Variants in TEX2 observed in about 807,000 individuals in gnomAD.
The protein encoded by TEX2 is testis expressed 2.
In TEX2, 53 loss-of-function variants were observed where a neutral mutation model predicts 106.9. That is an observed-to-expected ratio of 0.50 (90% CI 0.40 to 0.62). The LOEUF (loss-of-function observed/expected upper bound fraction) is 0.62. Ranked by LOEUF, TEX2 falls within the 20% of genes least tolerant of loss-of-function variation. The pLI is 0.00. For missense variants in TEX2, 1,207 were observed against 1,379.0 expected (o/e 0.88, Z 1.98); for synonymous variants, 523 against 534.8 (o/e 0.98, Z 0.30).
intron 4 of TEX2, among the ~76,000 whole-genome samples, chr17:64,192,377 T>C (rs1156580563): frequency 6.6e-6 from 1 of 152,212 alleles, no homozygotes; most frequent in African/African-American, 2.4e-5. Flanking sequence ...CAATGCCATG[T>C]GATGATAGGC....
chr17:64,256,868 A>G (rs1349973345), intron 1 of TEX2, among the ~76,000 whole-genome samples: 1 of 152,240 alleles, frequency 6.6e-6, no homozygotes, highest in Non-Finnish European at 1.5e-5. Flanking sequence ...ATAACCATCT[A>G]TAAGAATACA....
Position 64,213,403 on chromosome 17 carries a change from G to C in TEX2, c.815C>G (p.Ser272Cys), listed in dbSNP as rs1555632029. 6.2e-7 allele frequency: 1 copy of C among 1,614,062 alleles called. No individual in the cohort carries two copies. Among genetic ancestry groups the C allele is most frequent in the East Asian group, 2.2e-5 (1 of 44,886 alleles). The change falls in exon 2 of 12, where the codon TCT becomes TGT. Residue 272 changes from serine to cysteine, a missense_variant. By Grantham distance (112) the Ser-to-Cys change is moderately radical (BLOSUM62 -1). This residue lies in a region of TEX2 where 1,067 missense variants were observed against 1,193.6 expected (regional missense o/e 0.89). Coordinates refer to ENST00000584379, the MANE Select transcript of TEX2 (RefSeq NM_001288732.2). The surrounding 1 kb of genome is among the most constrained non-coding windows in gnomAD (Gnocchi z 4.4). ...TAPSSPLTSP[S>C]DTRSFFKVPE... ...CACTTTAAAAAAGGAACGAGTATCA[G>C]AGGGAGAAGTCAGTGGGGAAGAAGG...
intron 1 of TEX2, among the ~76,000 whole-genome samples, chr17:64,230,286 G>C (rs531077566): frequency 8.5e-5 from 13 of 152,070 alleles, no homozygotes; most frequent in Non-Finnish European, 1.8e-4. Context: ...AAGGTGCCCC[G>C]CCAAGACAAA....
At chr17:64,235,949 A>G (rs1555635087) in intron 1 of TEX2, among the ~76,000 whole-genome samples, 2 of 152,000 alleles carry the variant, frequency 1.3e-5, no homozygotes, top group African/African-American at 4.8e-5. Context: ...ACCTGTAGCA[A>G]ATGTTCATCC....
chr17:64,189,503 G>C lies in TEX2; in HGVS notation c.2177-1088C>G, dbSNP rs115065901. Among the ~76,000 whole-genome samples the C allele has an allele frequency of 5.1e-3, 772 of 152,246 alleles. 5 individuals carry two copies. Among genetic ancestry groups the C allele is most frequent in the African/African-American group, 0.018 (743 of 41,536 alleles). Reference sequence around the variant, plus strand: ...TTCAGTGAAGTTCTAAGCATAGTACGGGGGGCAGAGGATAGGAAATGAGGA... The same window carrying C: ...TTCAGTGAAGTTCTAAGCATAGTACCGGGGGCAGAGGATAGGAAATGAGGA... On this transcript the variant is annotated intron_variant, in intron 4 of 11. Coordinates refer to ENST00000584379, the MANE Select transcript of TEX2 (RefSeq NM_001288732.2).
chr17:64,262,365 T>G (rs2034304145), intron 1 of TEX2, among the ~76,000 whole-genome samples: 1 of 152,098 alleles, frequency 6.6e-6, no homozygotes, highest in South Asian at 2.1e-4. Flanking sequence ...TAAGTAACTA[T>G]CAACCCACTG....
chr17:64,167,887 G>A (rs1323397266), intron 7 of TEX2, among the ~76,000 whole-genome samples: 2 of 152,092 alleles, frequency 1.3e-5, no homozygotes, highest in Non-Finnish European at 2.9e-5. Flanking sequence ...CTGAGGCCAC[G>A]AAGCTGTGGA....
intron 6 of TEX2, among the ~76,000 whole-genome samples, chr17:64,172,889 T>C (rs1327730784): frequency 1.3e-5 from 2 of 152,242 alleles, no homozygotes; most frequent in African/African-American, 2.4e-5. Flanking sequence ...ACTGGCATCA[T>C]GTTTAAAAAT....
chr17:64,215,570 G>A (rs534527570), intron 1 of TEX2, among the ~76,000 whole-genome samples: 1 of 152,220 alleles, frequency 6.6e-6, no homozygotes, highest in Non-Finnish European at 1.5e-5. Flanking sequence ...CAGGACATAG[G>A]GCTTCTAGTA....
intron 2 of TEX2, among the ~76,000 whole-genome samples, chr17:64,203,076 A>G (rs1417497440): frequency 6.6e-6 from 1 of 152,240 alleles, no homozygotes; most frequent in Admixed American, 6.5e-5. Flanking sequence ...GCAAAATAAT[A>G]AAGTCTGGAA....
In TEX2 at chr17:64,212,916, A is replaced by T. The variant is rs138840560; in HGVS notation, c.1302T>A (p.Ser434Arg). ...GAATATCTGAGAGCTTATCAACTTT[A>T]CTCTCCCCCTCCGTTTCCAAATCGA... Reference protein sequence around the residue: ...EDFDLETEGESKVDKLSDIPL... With the variant: ...EDFDLETEGERKVDKLSDIPL... The change falls in exon 2 of 12, where the codon AGT (serine) becomes AGA (arginine). Residue 434 changes from serine (S) to arginine (R), a missense_variant. Transcript: ENST00000584379. The T allele has an allele frequency of 2.5e-5, 40 of 1,613,396 alleles. No homozygotes were observed. The Middle Eastern group carries it at 4.9e-4, about 20-fold the overall frequency.
At chr17:64,244,331 C>G (rs1338244663) in intron 1 of TEX2, among the ~76,000 whole-genome samples, 1 of 152,180 alleles carries the variant, frequency 6.6e-6, no homozygotes, top group African/African-American at 2.4e-5. Context: ...CTGGACCTCA[C>G]CGCTCAAACA....
chr17:64,171,979 CAAAA>C (rs11322413), intron 6 of TEX2, among the ~76,000 whole-genome samples: 27 of 133,282 alleles, frequency 2.0e-4, no homozygotes, highest in Non-Finnish European at 2.4e-4. Context: ...GACTCTGCGT[CAAAA>C]AAAAAAAAAA....
intron 1 of TEX2, among the ~76,000 whole-genome samples, chr17:64,247,360 A>G (rs929793219): frequency 5.9e-5 from 9 of 152,174 alleles, no homozygotes; most frequent in Non-Finnish European, 1.2e-4. Flanking sequence ...AGAAAAATAA[A>G]AAGATGCCCT....
At chr17:64,216,991 G>A (rs1489673207) in intron 1 of TEX2, among the ~76,000 whole-genome samples, 4 of 152,166 alleles carry the variant, frequency 2.6e-5, no homozygotes, top group African/African-American at 9.7e-5. Context: ...ACTAACCAAA[G>A]CCTGGTTCCA....
rs543184590 is a variant in TEX2 at position 64,247,972 on chromosome 17, G to A, written c.-26+15196C>T. ...GGTTTTAATCCACATTCCTTTGGAT[G>A]GTGAGTGCATGGTCCTAGGGCATTT... On this transcript the variant is annotated intron_variant, in intron 1 of 11. Coordinates refer to ENST00000584379, the MANE Select transcript of TEX2 (RefSeq NM_001288732.2). Among the ~76,000 whole-genome samples, 6 of 152,296 alleles carry A rather than the reference G, an allele frequency of 3.9e-5. No homozygotes were observed. The South Asian group carries it at 1.0e-3, about 26-fold the overall frequency.
rs782310881 is a variant in TEX2 at position 64,213,143 on chromosome 17, C to T, written c.1075G>A (p.Gly359Arg). 3.1e-6 allele frequency: 5 copies of T among 1,614,182 alleles called. No homozygotes were observed. The East Asian group carries it at 8.9e-5, about 29-fold the overall frequency. The stretch of plus-strand genomic sequence containing the variant: ...CTTCTGGGGATGTTGGAATCACTTC[C>T]GTAGCCATCCCCCTCAGAATCACAC... ...EECDSEGDGY[G>R]SDSNIPRSDH... The change falls in exon 2 of 12, where the codon GGA (glycine) becomes AGA (arginine). Residue 359 changes from glycine (G) to arginine (R), a missense_variant. By Grantham distance (125) the Gly-to-Arg change is moderately radical. Around this residue, in one of 3 missense-constraint regions of TEX2, gnomAD observed 1,067 missense variants for 1,193.6 expected, o/e 0.89. Transcript: ENST00000584379. The surrounding 1 kb of genome is among the most constrained non-coding windows in gnomAD (Gnocchi z 4.4).
At chr17:64,240,304 C>A (rs1390567786) in intron 1 of TEX2, among the ~76,000 whole-genome samples, 1 of 151,646 alleles carries the variant, frequency 6.6e-6, no homozygotes, top group Non-Finnish European at 1.5e-5. Flanking sequence ...CCTATTCATC[C>A]TCCAGGAACC....
At chr17:64,228,522 A>G (rs2033569878) in intron 1 of TEX2, among the ~76,000 whole-genome samples, 1 of 152,224 alleles carries the variant, frequency 6.6e-6, no homozygotes, top group Non-Finnish European at 1.5e-5. Context: ...GATCCCTCGC[A>G]TGCGCAGTTC....
Sources: gnomAD v4.1 joint callset for allele counts (sites outside exome capture counted in the v4.1 genomes callset) on GRCh38, gnomAD v4.1.1 for gene constraint, gnomAD v4.1.1 regional missense constraint, Gnocchi (gnomAD v3.1) non-coding constraint, MANE v1.5 for transcripts, NCBI Gene and HGNC (gene_info 2026-07-23, HGNC 2026-07-21) for gene names.